RAD21L1: variants seen among roughly 807,000 people sequenced by gnomAD.
The protein encoded by RAD21L1 is double-strand-break repair protein rad21-like protein 1.
In RAD21L1, 47 loss-of-function variants were observed where a neutral mutation model predicts 69.0. That is an observed-to-expected ratio of 0.68 (90% CI 0.54 to 0.87). The LOEUF (loss-of-function observed/expected upper bound fraction) is 0.87, where lower values mean the gene tolerates loss of function less well. RAD21L1 is among the 40% of genes least tolerant of loss of function. RAD21L1 has a pLI of 0.00. For missense variants in RAD21L1, 583 were observed against 647.6 expected (o/e 0.90, Z 1.08); for synonymous variants, 177 against 205.8 (o/e 0.86, Z 1.20).
In RAD21L1 at chr20:1,242,168, A is replaced by G. The variant is rs568196443; in HGVS notation, c.857-451A>G. On this transcript the variant is annotated intron_variant, in intron 8 of 13. Coordinates refer to ENST00000683101, the MANE Select transcript of RAD21L1 (RefSeq NM_001384355.1). ...ATGTATCAGCTATTGGTTGCTCAGC[A>G]TAATTTTCAGAGGGGAGAAGGGATT... Among the ~76,000 whole-genome samples the G allele has an allele frequency of 3.9e-5, 6 of 152,334 alleles. No individual in the cohort carries two copies. In the South Asian group the frequency reaches 8.3e-4, roughly 21 times the overall value.
chr20:1,238,010 T>C, intron 5 of RAD21L1, 34 bp from the exon 6 acceptor site: 1 of 1,175,914 alleles, frequency 8.5e-7, no homozygotes, highest in Non-Finnish European at 1.2e-6. Context: ...TCTGTGTTTC[T>C]ATGAATTAGT....
At position 1,238,052 on chromosome 20, in the gene RAD21L1, T is replaced by G; in HGVS notation, c.484T>G (p.Ser162Ala). 6.7e-7 allele frequency: 1 copy of G among 1,495,530 alleles called. No homozygotes were observed. Among genetic ancestry groups the G allele is most frequent in the African/African-American group, 1.4e-5 (1 of 72,100 alleles). 92.6% of individuals were successfully genotyped at this position (1,495,530 alleles called of 1,614,324 possible). The change falls in exon 6 of 14, where the codon TCT becomes GCT. Residue 162 changes from serine to alanine, a missense_variant. Coordinates refer to ENST00000683101, the MANE Select transcript of RAD21L1 (RefSeq NM_001384355.1). ...GATATATATTTATTTAGGGGAGGAA[T>G]CTGAAATTCTCAGAAGACATAGCTT... is the stretch of plus-strand genomic sequence containing the variant. ...IFQAESFGEE[S>A]EILRRHSFFD... is the part of the protein sequence containing the mutation.
chr20:1,231,608 C>A lies in RAD21L1; in HGVS notation c.357C>A (p.Thr119=). ...CAGAAGAATTTCATGATTTTGACAC[C>A]CAAAATATGAAGTAAAATATTTTAT... The part of the protein sequence containing the change: ...TLPEEFHDFD[T]QNMNAIDVSE... Residue 119 remains threonine, a synonymous_variant, in exon 4 of 14, where the codon ACC becomes ACA. Transcript: ENST00000683101. The A allele has an allele frequency of 7.1e-7, 1 of 1,418,034 alleles. No individual in the cohort carries two copies. Among genetic ancestry groups the A allele is most frequent in the Non-Finnish European group, 9.7e-7 (1 of 1,032,386 alleles). 87.8% of individuals were successfully genotyped at this position (1,418,034 alleles called of 1,614,324 possible).
In RAD21L1 at chr20:1,248,694, T is replaced by C. The variant is rs1469143020; in HGVS notation, c.1470T>C (p.Asn490=). Residue 490 remains asparagine (N), a synonymous_variant, in exon 13 of 14, where the codon AAT becomes AAC. Transcript: ENST00000683101. ...ATGGAAGAATACTTCAGATGTTAAA[T>C]CGTTTACGGGTGAGATGCTAGGGTT... The part of the protein sequence containing the change: ...RWNGRILQML[N]RLRESNKMGM... 7 of 1,525,946 alleles carry C rather than the reference T, an allele frequency of 4.6e-6. No individual in the cohort carries two copies. The highest frequency in any genetic ancestry group is 1.4e-5 in the African/African-American group (1 of 72,164). The allele number at this position is 1,525,946 out of a possible 1,614,324, so 94.5% of individuals were successfully genotyped here.
intron 13 of RAD21L1, 141 bp downstream of exon 13, chr20:1,248,844 C>A: frequency 2.0e-6 from 1 of 503,620 alleles, no homozygotes. Flanking sequence ...CAATGATTTT[C>A]AGTAGTATAC....
Position 1,239,312 on chromosome 20 carries a change from A to T in RAD21L1, c.647A>T (p.Asp216Val). The stretch of plus-strand genomic sequence containing the variant: ...AAAAATATTCATTGTGTTTTTCAAG[A>T]CAATCTATTGCAAGATGATCAGAAT... ...GDEGAAGEMI[D>V]NLLQDDQNIL... is the part of the protein sequence containing the mutation. The change falls in exon 7 of 14, where the codon GAC becomes GTC. Residue 216 changes from aspartate to valine, a missense_variant and splice_region_variant. Physicochemically the swap from Asp to Val is radical, Grantham distance 152. Coordinates refer to ENST00000683101, the MANE Select transcript of RAD21L1 (RefSeq NM_001384355.1). 6.6e-7 allele frequency: 1 copy of T among 1,511,424 alleles called. No homozygotes were observed. Among genetic ancestry groups the T allele is most frequent in the Non-Finnish European group, 9.0e-7 (1 of 1,115,218 alleles). The allele number at this position is 1,511,424 out of a possible 1,614,324, so 93.6% of individuals were successfully genotyped here.
At chr20:1,251,370 G>GT (rs56251114) in intron 13 of RAD21L1, among the ~76,000 whole-genome samples, 59,849 of 144,636 alleles carry the variant, frequency 0.41, 13,372 homozygotes, top group African/African-American at 0.61. Context: ...ATGTGCTTTG[G>GT]TTTTTTTTTT....
In RAD21L1 at chr20:1,248,696, G is replaced by A. The variant is rs1306454661; in HGVS notation, c.1472G>A (p.Arg491His). The A allele has an allele frequency of 7.2e-6, 11 of 1,517,694 alleles. No individual in the cohort carries two copies. The highest frequency in any genetic ancestry group is 5.6e-5 in the African/African-American group (4 of 71,908). 94.0% of individuals were successfully genotyped at this position (1,517,694 alleles called of 1,614,324 possible). The change falls in exon 13 of 14, where the codon CGT (arginine) becomes CAT (histidine). Residue 491 changes from arginine (R) to histidine (H), a missense_variant. Transcript: ENST00000683101. ...WNGRILQMLN[R>H]LRESNKMGMQ... is the part of the protein sequence containing the mutation. ...GGAAGAATACTTCAGATGTTAAATC[G>A]TTTACGGGTGAGATGCTAGGGTTTG...
chr20:1,242,172 T>G (rs2087620043), intron 8 of RAD21L1, among the ~76,000 whole-genome samples: 1 of 152,192 alleles, frequency 6.6e-6, no homozygotes, highest in Non-Finnish European at 1.5e-5. Context: ...CTCAGCATAA[T>G]TTTCAGAGGG....
intron 13 of RAD21L1, among the ~76,000 whole-genome samples, chr20:1,250,248 T>C (rs939927026): frequency 1.1e-4 from 17 of 151,206 alleles, no homozygotes; most frequent in Non-Finnish European, 2.1e-4. Flanking sequence ...CTTTCTTTTT[T>C]TTTCTTTTTT....
rs931863309 is a variant in RAD21L1, at chr20:1,240,336, C to T, written c.758C>T (p.Ser253Leu). Residue 253 changes from serine to leucine, a missense_variant, in exon 8 of 14, where the codon TCA becomes TTA. Ser to Leu is a moderately radical substitution (Grantham distance 145). Transcript: ENST00000683101. ...TGTTGATTAGTTGAACCAGATAACT[C>T]AGAGTGTATATGTGTACCTGAAAAT... Reference protein sequence around the residue: ...PNSLAVEPDNSECICVPENEK... With the variant: ...PNSLAVEPDNLECICVPENEK... The T allele has an allele frequency of 1.3e-6, 2 of 1,537,122 alleles. No individual in the cohort carries two copies. The highest frequency in any genetic ancestry group is 2.1e-5 in the Admixed American group (1 of 47,908).
chr20:1,250,812 T>G (rs948624902), intron 13 of RAD21L1, among the ~76,000 whole-genome samples: 1 of 152,190 alleles, frequency 6.6e-6, no homozygotes, highest in Non-Finnish European at 1.5e-5. Context: ...TTTTTATGGT[T>G]TTGTAATATT....
At chr20:1,227,012 C>G (rs1389709324) in intron 1 of RAD21L1, among the ~76,000 whole-genome samples, 1 of 152,150 alleles carries the variant, frequency 6.6e-6, no homozygotes, top group Non-Finnish European at 1.5e-5. Context: ...CGGGTTCGAG[C>G]GATTCTCCTG....
intron 3 of RAD21L1, chr20:1,230,406 C>G (rs1220258783): frequency 4.3e-6 from 1 of 234,516 alleles, no homozygotes; most frequent in South Asian, 1.5e-4. Flanking sequence ...CTCAAGATTC[C>G]AAGCAGCTTG....
At chr20:1,239,865 G>T (rs1368694114) in intron 7 of RAD21L1, among the ~76,000 whole-genome samples, 2 of 152,092 alleles carry the variant, frequency 1.3e-5, no homozygotes. Context: ...CACAATTTTT[G>T]ATGTTATATT....
In RAD21L1 at chr20:1,231,625, ATATTT is replaced by A. The variant is rs1210263536; in HGVS notation, c.368+12_368+16del. 1 of 1,299,120 alleles carries A rather than the reference ATATTT, an allele frequency of 7.7e-7. No homozygotes were observed. Among genetic ancestry groups the A allele is most frequent in the African/African-American group, 1.5e-5 (1 of 67,310 alleles). The allele number at this position is 1,299,120 out of a possible 1,614,324, so 80.5% of individuals were successfully genotyped here. ...TTTGACACCCAAAATATGAAGTAAAATATTTTATTTATTTTCCTTCGATTTAATTT... is the reference window on the plus strand; with the variant it reads ...TTTGACACCCAAAATATGAAGTAAAATATTTATTTTCCTTCGATTTAATTT... On this transcript the variant is annotated splice_region_variant and intron_variant, in intron 4 of 13. Coordinates refer to ENST00000683101, the MANE Select transcript of RAD21L1 (RefSeq NM_001384355.1).
At chr20:1,253,616 T>TA (rs2087879675) in intron 13 of RAD21L1, among the ~76,000 whole-genome samples, 1 of 152,156 alleles carries the variant, frequency 6.6e-6, no homozygotes, top group Non-Finnish European at 1.5e-5. Context: ...TATTTCTAAC[T>TA]AAAAAATTAC....
At position 1,234,013 on chromosome 20, in the gene RAD21L1, A is replaced by G. The variant is rs144602093; in HGVS notation, c.369-72A>G. 30 of 701,864 alleles carry G rather than the reference A, an allele frequency of 4.3e-5. No individual in the cohort carries two copies. The East Asian group carries it at 7.4e-4, about 17-fold the overall frequency. 43.5% of individuals were successfully genotyped at this position (701,864 alleles called of 1,614,324 possible). A position where few individuals can be genotyped will look rare whatever the true frequency, so the allele number is the denominator to read the frequency against. ...TGAAAGTTGTTTTAGTTTCTTCACT[A>G]TATCAATGATATTTTTACAGTATCA... On this transcript the variant is annotated intron_variant, in intron 4 of 13. Coordinates refer to ENST00000683101, the MANE Select transcript of RAD21L1 (RefSeq NM_001384355.1).
At chr20:1,248,234 CAG>C (rs2087756456) in intron 12 of RAD21L1, among the ~76,000 whole-genome samples, 1 of 151,842 alleles carries the variant, frequency 6.6e-6, no homozygotes, top group Non-Finnish European at 1.5e-5. Context: ...CTTTACAAGA[CAG>C]AAATAGCTGT....
Sources: allele counts gnomAD v4.1 joint callset (sites outside exome capture counted in the v4.1 genomes callset), GRCh38; gene constraint gnomAD v4.1.1; transcripts MANE v1.5; gene names NCBI Gene and HGNC (gene_info 2026-07-23, HGNC 2026-07-21).